Variants in PSMD3 observed in about 807,000 individuals in gnomAD.
The protein encoded by PSMD3 is proteasome 26S subunit, non-ATPase 3.
PSMD3 carries 5 observed loss-of-function variants against 62.8 expected under a neutral mutation model. That is an observed-to-expected ratio of 0.08 (90% confidence interval 0.04 to 0.17). The LOEUF (loss-of-function observed/expected upper bound fraction) is 0.17. PSMD3 is among the 10% of genes least tolerant of loss of function. The pLI is 1.00. For missense variants in PSMD3, 524 were observed against 713.6 expected (o/e 0.73, Z 3.03); for synonymous variants, 265 against 283.9 (o/e 0.93, Z 0.67).
rs1356688688 is a variant in PSMD3 at position 39,984,330 on chromosome 17, T to C, written c.257T>C (p.Val86Ala). Residue 86 changes from valine to alanine, a missense_variant, in exon 2 of 12, where the codon GTT becomes GCT. By Grantham distance (64) the Val-to-Ala change is moderately conservative. Around this residue, in one of 4 missense-constraint regions of PSMD3, gnomAD observed 396 missense variants for 475.8 expected, o/e 0.83. Coordinates refer to ENST00000264639, the MANE Select transcript of PSMD3 (RefSeq NM_002809.4). ...CACGTGAAACAGCTAGAGAAAGCGG[T>C]TTCAGGCAAGGAGCCGAGATTCGTG... ...KEHVKQLEKA[V>A]SGKEPRFVLR... 1.2e-6 allele frequency: 2 copies of C among 1,613,350 alleles called. No individual in the cohort carries two copies. The highest frequency in any genetic ancestry group is 1.7e-6 in the Non-Finnish European group (2 of 1,179,916).
At chr17:39,994,045 A>G (rs979804912) in intron 6 of PSMD3, 1 of 152,076 alleles carries the variant, frequency 6.6e-6, no homozygotes, top group African/African-American at 2.4e-5. Flanking sequence ...CCTCTTTTTC[A>G]ATCTGTACCC....
chr17:39,996,512 G>A lies in PSMD3; in HGVS notation c.1476+174G>A, dbSNP rs73301231. The stretch of plus-strand genomic sequence containing the variant: ...AGAATGGGGAGGGGACTTGGCCATA[G>A]TTCCATAGCCAGTTGCCCTCTCCTA... On this transcript the variant is annotated intron_variant, in intron 10 of 11. Transcript: ENST00000264639. This position sits in a 1 kb window ranked among gnomAD's most constrained non-coding sequence, Gnocchi z 5.1. 0.024 allele frequency among the ~76,000 whole-genome samples: 3,649 copies of A among 152,288 alleles called. 118 individuals carry two copies. The highest frequency in any genetic ancestry group is 0.076 in the African/African-American group (3,158 of 41,530).
chr17:39,989,689 T>A (rs1478298023), intron 4 of PSMD3, 50 bp from the exon 5 acceptor site: 1 of 1,549,128 alleles, frequency 6.5e-7, no homozygotes, highest in South Asian at 1.1e-5. Context: ...TAAAGGCAGT[T>A]CAGAGAGTTG....
At position 39,996,577 on chromosome 17, in the gene PSMD3, G is replaced by A; in HGVS notation, c.1476+239G>A. The A allele has an allele frequency of 1.5e-6, 1 of 681,882 alleles. No individual in the cohort carries two copies. The highest frequency in any genetic ancestry group is 2.7e-6 in the Non-Finnish European group (1 of 376,966). The allele number at this position is 681,882 out of a possible 1,614,324, so 42.2% of individuals were successfully genotyped here. A position where few individuals can be genotyped will look rare whatever the true frequency, so the allele number is the denominator to read the frequency against. The stretch of plus-strand genomic sequence containing the variant: ...TGATGTGGTCACCAGGGAGGACCAG[G>A]CAGGGATTCAGAGGGCGGGGTTCTA... On this transcript the variant is annotated intron_variant, in intron 10 of 11. Coordinates refer to ENST00000264639, the MANE Select transcript of PSMD3 (RefSeq NM_002809.4). The surrounding 1 kb of genome is among the most constrained non-coding windows in gnomAD (Gnocchi z 5.1).
intron 6 of PSMD3, 22 bp from the exon 7 acceptor site, chr17:39,994,932 G>T: frequency 6.2e-7 from 1 of 1,609,332 alleles, no homozygotes; most frequent in East Asian, 2.2e-5. Context: ...TGCCCACTGT[G>T]TTCCCCTGTC....
intron 1 of PSMD3, 87 bp downstream of exon 1, chr17:39,981,277 C>G: frequency 1.3e-6 from 2 of 1,526,156 alleles, no homozygotes; most frequent in Non-Finnish European, 1.8e-6. Flanking sequence ...GCCACAGCAG[C>G]CTCCACCACC....
At chr17:39,994,927 A>T in intron 6 of PSMD3, 27 bp from the exon 7 acceptor site, 1 of 1,603,066 alleles carries the variant, frequency 6.2e-7, no homozygotes. Flanking sequence ...CTCCCTGCCC[A>T]CTGTGTTCCC....
chr17:39,982,920 A>C (rs1449848193), intron 1 of PSMD3, among the ~76,000 whole-genome samples: 1 of 152,224 alleles, frequency 6.6e-6, no homozygotes, highest in Non-Finnish European at 1.5e-5. Flanking sequence ...ACCAAAACCT[A>C]TATGCCTGAG....
rs35244421 is a variant in PSMD3, at chr17:39,996,120, C to CAA, written c.1321-49_1321-48dup. On this transcript the variant is annotated intron_variant, in intron 9 of 11. Coordinates refer to ENST00000264639, the MANE Select transcript of PSMD3 (RefSeq NM_002809.4). This position sits in a 1 kb window ranked among gnomAD's most constrained non-coding sequence, Gnocchi z 5.1. ...TGGGTGACAGAGCGAGACTCCATCT[C>CAA]AAAAAAAAAAAAAAAGAAGAAGCTG... The CAA allele has an allele frequency of 3.7e-4, 538 of 1,454,652 alleles. No homozygotes were observed. Among genetic ancestry groups the CAA allele is most frequent in the Middle Eastern group, 4.8e-4 (2 of 4,172 alleles). 90.1% of individuals were successfully genotyped at this position (1,454,652 alleles called of 1,614,324 possible).
Position 39,989,723 on chromosome 17 carries a change from T to G in PSMD3, c.687-16T>G. 6.2e-7 allele frequency: 1 copy of G among 1,606,900 alleles called. No homozygotes were observed. Among genetic ancestry groups the G allele is most frequent in the Non-Finnish European group, 8.5e-7 (1 of 1,176,354 alleles). On this transcript the variant is annotated splice_polypyrimidine_tract_variant and intron_variant, in intron 4 of 11. Coordinates refer to ENST00000264639, the MANE Select transcript of PSMD3 (RefSeq NM_002809.4). Reference sequence around the variant, plus strand: ...TGTGATTTGAAGGCTTTGACATCTTTCTTTCCTTCTTGAAGCTTCTTGCAT... The same window carrying G: ...TGTGATTTGAAGGCTTTGACATCTTGCTTTCCTTCTTGAAGCTTCTTGCAT...
chr17:39,983,715 G>A (rs535700979), intron 1 of PSMD3, among the ~76,000 whole-genome samples: 1 of 152,256 alleles, frequency 6.6e-6, no homozygotes, highest in East Asian at 1.9e-4. Context: ...TGGACTCCAG[G>A]TTTCTGTAGT....
intron 1 of PSMD3, among the ~76,000 whole-genome samples, chr17:39,982,138 G>C (rs1045496288): frequency 7.2e-5 from 11 of 152,154 alleles, no homozygotes; most frequent in Non-Finnish European, 1.0e-4. Flanking sequence ...ATCCTCCTAG[G>C]TGGTGCTTTT....
In PSMD3 at chr17:39,995,342, C is replaced by T. The variant is rs201530083; in HGVS notation, c.1216+47C>T. Reference sequence around the variant, plus strand: ...GCTGTTGGAGGAGCAGAAGCCAGGCCAGGGCAAACCTAGTGGGTATCCTTG... The same window carrying T: ...GCTGTTGGAGGAGCAGAAGCCAGGCTAGGGCAAACCTAGTGGGTATCCTTG... On this transcript the variant is annotated intron_variant, in intron 8 of 11. Transcript: ENST00000264639. This position sits in a 1 kb window ranked among gnomAD's most constrained non-coding sequence, Gnocchi z 4.1. The T allele has an allele frequency of 6.2e-7, 1 of 1,613,996 alleles. No homozygotes were observed. The highest frequency in any genetic ancestry group is 1.3e-5 in the African/African-American group (1 of 75,018).
rs1293318954 is a variant in PSMD3, at chr17:39,997,390, C to G, written c.1527+10C>G. 6.2e-7 allele frequency: 1 copy of G among 1,614,038 alleles called. No homozygotes were observed. The highest frequency in any genetic ancestry group is 8.5e-7 in the Non-Finnish European group (1 of 1,180,020). ...CTTGGAGTCTGCAGAGGTAAGCTCTCTGCTTTCTGGGTGAGACCGAAAGGT... is the reference window on the plus strand; with the variant it reads ...CTTGGAGTCTGCAGAGGTAAGCTCTGTGCTTTCTGGGTGAGACCGAAAGGT... On this transcript the variant is annotated intron_variant, in intron 11 of 11. Coordinates refer to ENST00000264639, the MANE Select transcript of PSMD3 (RefSeq NM_002809.4).
At chr17:39,981,221 G>T (rs372143204) in intron 1 of PSMD3, 31 bp downstream of exon 1, 8 of 1,548,310 alleles carry the variant, frequency 5.2e-6, no homozygotes, top group Non-Finnish European at 7.0e-6. Flanking sequence ...AACGTGCCGC[G>T]ATCGCGGGTG....
rs1293451426 is a variant in PSMD3 at position 39,996,788 on chromosome 17, A to C, written c.1476+450A>C. ...AGATGGCGCTGGTATCTAGCTCCAC[A>C]AAAGGGTGAGCCCTTATCCTCAGTT... On this transcript the variant is annotated intron_variant, in intron 10 of 11. Transcript: ENST00000264639. The surrounding 1 kb of genome is among the most constrained non-coding windows in gnomAD (Gnocchi z 5.1). The C allele has an allele frequency of 6.5e-6, 3 of 465,016 alleles. No homozygotes were observed. The Admixed American group carries it at 7.0e-5, about 11-fold the overall frequency. 28.8% of individuals were successfully genotyped at this position (465,016 alleles called of 1,614,324 possible). A position where few individuals can be genotyped will look rare whatever the true frequency, so the allele number is the denominator to read the frequency against.
chr17:39,981,129 C>T lies in PSMD3; in HGVS notation c.159C>T (p.Gly53=), dbSNP rs1376369414. 1.3e-6 allele frequency: 2 copies of T among 1,550,444 alleles called. No individual in the cohort carries two copies. The highest frequency in any genetic ancestry group is 1.7e-6 in the Non-Finnish European group (2 of 1,146,596). The change falls in exon 1 of 12, where the codon GGC becomes GGT. Residue 53 remains glycine (G), a synonymous_variant. Transcript: ENST00000264639. Reference sequence around the variant, plus strand: ...GCGGGTCGACGGGGGAGGCAGACGGCAAGACGGCGGCGGCAGCGGCTGAGC... The same window carrying T: ...GCGGGTCGACGGGGGAGGCAGACGGTAAGACGGCGGCGGCAGCGGCTGAGC... ...TGGGSTGEAD[G]KTAAAAAEHS...
chr17:39,988,811 G>A lies in PSMD3; in HGVS notation c.678G>A (p.Val226=), dbSNP rs371546214. ...ATGAGTTCCTGGACAAGCTGGATGT[G>A]GTGCGCAGGTACAGGCAGCCAAGCA... is the stretch of plus-strand genomic sequence containing the variant. ...RVYEFLDKLD[V]VRSFLHARLR... is the part of the protein sequence containing the mutation. The change falls in exon 4 of 12, where the codon GTG becomes GTA. Residue 226 remains valine, a synonymous_variant. Coordinates refer to ENST00000264639, the MANE Select transcript of PSMD3 (RefSeq NM_002809.4). 27 of 1,613,584 alleles carry A rather than the reference G, an allele frequency of 1.7e-5. No individual in the cohort carries two copies. The highest frequency in any genetic ancestry group is 8.3e-5 in the Admixed American group (5 of 60,002).
At position 39,986,704 on chromosome 17, in the gene PSMD3, T is replaced by C. The variant is rs1240481909; in HGVS notation, c.541T>C (p.Tyr181His). 2 of 1,614,002 alleles carry C rather than the reference T, an allele frequency of 1.2e-6. No individual in the cohort carries two copies. The highest frequency in any genetic ancestry group is 1.7e-6 in the Non-Finnish European group (2 of 1,180,034). ...CATCTTCATGATGAACAGCAAGCGCTACAAAGAGGTATCCAGGATGCAGTG... is the reference window on the plus strand; with the variant it reads ...CATCTTCATGATGAACAGCAAGCGCCACAAAGAGGTATCCAGGATGCAGTG... ...VVIFMMNSKR[Y>H]KEAQKISDDL... The change falls in exon 3 of 12, where the codon TAC becomes CAC. Residue 181 changes from tyrosine to histidine, a missense_variant. Coordinates refer to ENST00000264639, the MANE Select transcript of PSMD3 (RefSeq NM_002809.4).
Sources: gnomAD v4.1 joint callset for allele counts (sites outside exome capture counted in the v4.1 genomes callset) on GRCh38, gnomAD v4.1.1 for gene constraint, gnomAD v4.1.1 regional missense constraint, Gnocchi (gnomAD v3.1) non-coding constraint, MANE v1.5 for transcripts, NCBI Gene and HGNC (gene_info 2026-07-23, HGNC 2026-07-21) for gene names.